OR1J2: variants seen among roughly 807,000 people sequenced by gnomAD.
OR1J2 encodes the protein olfactory receptor family 1 subfamily J member 2, also known as olfactory receptor 1J2.
For synonymous variants in OR1J2, 142 were observed against 99.7 expected, an observed-to-expected ratio of 1.42 and a Z score of -2.52; for missense variants, 304 against 246.1, an observed-to-expected ratio of 1.24 and a Z score of -1.57.
chr9:122,451,520 G>A, the OR1J2 span, among the ~76,000 whole-genome samples: 1 of 152,100 alleles, frequency 6.6e-6, no homozygotes, highest in Admixed American at 6.5e-5. Flanking sequence ...CAGAGGTGTT[G>A]AGCTGCATAT....
chr9:122,554,900 T>C, the OR1J2 span, among the ~76,000 whole-genome samples: 46,562 of 152,020 alleles, frequency 0.31, 8,008 homozygotes, highest in East Asian at 0.81. Flanking sequence ...TCTGAATTCT[T>C]TCATAAAATA....
At chr9:122,569,952 A>C in the OR1J2 span, among the ~76,000 whole-genome samples, 1 of 149,920 alleles carries the variant, frequency 6.7e-6, no homozygotes, top group African/African-American at 2.5e-5. Context: ...TTCTTGCGAT[A>C]GTTTACTGAG....
At position 122,510,977 on chromosome 9, in the gene OR1J2, T is replaced by C; in HGVS notation, c.176T>C (p.Met59Thr). The stretch of plus-strand genomic sequence containing the variant: ...CTGGACTCTCACCTTCACACCCCCA[T>C]GTACTTCTTCCTCAGCCACTTGGCT... Reference protein sequence around the residue: ...IQLDSHLHTPMYFFLSHLALT... With the variant: ...IQLDSHLHTPTYFFLSHLALT... Residue 59 changes from methionine (M) to threonine (T), a missense_variant, in exon 1 of 1, where the codon ATG (methionine) becomes ACG (threonine). Met to Thr is a moderately conservative substitution (Grantham distance 81). Coordinates refer to ENST00000335302, the MANE Select transcript of OR1J2 (RefSeq NM_054107.1). The C allele has an allele frequency of 2.5e-6, 4 of 1,611,934 alleles. No individual in the cohort carries two copies. Among genetic ancestry groups the C allele is most frequent in the Non-Finnish European group, 3.4e-6 (4 of 1,178,022 alleles).
the OR1J2 span, chr9:122,578,563 A>G: frequency 2.6e-5 from 4 of 152,122 alleles, no homozygotes; most frequent in East Asian, 3.8e-4. Flanking sequence ...GTGCCCCTCA[A>G]TCAGTGAGTG....
the OR1J2 span, among the ~76,000 whole-genome samples, chr9:122,534,227 A>C: frequency 3.9e-5 from 6 of 152,092 alleles, no homozygotes; most frequent in African/African-American, 1.4e-4. Context: ...TATACCTTGA[A>C]GGGGAGGTTA....
the OR1J2 span, among the ~76,000 whole-genome samples, chr9:122,556,611 C>A: frequency 2.0e-5 from 3 of 152,080 alleles, no homozygotes; most frequent in Non-Finnish European, 4.4e-5. Context: ...GTGCAGCAAA[C>A]CACCATGGCA....
the OR1J2 span, among the ~76,000 whole-genome samples, chr9:122,451,721 A>T: frequency 1.3e-5 from 2 of 152,232 alleles, no homozygotes; most frequent in Non-Finnish European, 2.9e-5. Flanking sequence ...AATGTTCAGG[A>T]CATTAATATA....
At chr9:122,508,819 G>T (rs1828577516), upstream of OR1J2, among the ~76,000 whole-genome samples, 1 of 152,196 alleles carries the variant, frequency 6.6e-6, no homozygotes, top group South Asian at 2.1e-4. Flanking sequence ...CCTCACAAAT[G>T]TTATTATATC....
At chr9:122,459,711 A>G in the OR1J2 span, among the ~76,000 whole-genome samples, 2 of 152,258 alleles carry the variant, frequency 1.3e-5, no homozygotes, top group African/African-American at 2.4e-5. Context: ...AAAAATTTCA[A>G]TAAGTTTTTG....
At chr9:122,483,525 A>G in the OR1J2 span, among the ~76,000 whole-genome samples, 29 of 152,342 alleles carry the variant, frequency 1.9e-4, no homozygotes, top group Non-Finnish European at 3.2e-4. Flanking sequence ...AAAACGTGGA[A>G]CAACACTATA....
chr9:122,489,445 C>T, the OR1J2 span, among the ~76,000 whole-genome samples: 6 of 152,182 alleles, frequency 3.9e-5, no homozygotes, highest in South Asian at 2.1e-4. Flanking sequence ...GCCACTTGTC[C>T]GTGCACAGAC....
chr9:122,529,517 C>G, the OR1J2 span, among the ~76,000 whole-genome samples: 5 of 152,186 alleles, frequency 3.3e-5, no homozygotes, highest in African/African-American at 1.2e-4. Context: ...CTCCCCAAAT[C>G]CTCAAAAAAG....
At chr9:122,548,523 G>A in the OR1J2 span, among the ~76,000 whole-genome samples, 1 of 152,104 alleles carries the variant, frequency 6.6e-6, no homozygotes, top group South Asian at 2.1e-4. Flanking sequence ...GACTCATTAG[G>A]AGATGGTTAT....
At chr9:122,546,047 T>A in the OR1J2 span, among the ~76,000 whole-genome samples, 2 of 152,106 alleles carry the variant, frequency 1.3e-5, no homozygotes, top group African/African-American at 4.8e-5. Context: ...GTGGATAAAC[T>A]TGTCGCTTAC....
the OR1J2 span, among the ~76,000 whole-genome samples, chr9:122,518,774 G>A: frequency 5.3e-5 from 8 of 152,266 alleles, no homozygotes; most frequent in East Asian, 9.7e-4. Flanking sequence ...AGTTCAATAT[G>A]TTACAACATG....
At chr9:122,516,082 C>T (rs1588192107), downstream of OR1J2, among the ~76,000 whole-genome samples, 2 of 152,024 alleles carry the variant, frequency 1.3e-5, no homozygotes, top group East Asian at 3.9e-4. Context: ...GTTCACAATT[C>T]TAGAGAGGAA....
At chr9:122,520,107 A>G in the OR1J2 span, 4 of 1,537,972 alleles carry the variant, frequency 2.6e-6, no homozygotes, top group Admixed American at 1.7e-5. Flanking sequence ...TATAACAGAC[A>G]TATGTACTGA....
At chr9:122,535,907 G>C in the OR1J2 span, among the ~76,000 whole-genome samples, 4 of 152,136 alleles carry the variant, frequency 2.6e-5, no homozygotes, top group African/African-American at 9.7e-5. Flanking sequence ...AAGGAAAAAG[G>C]GGTGTTGTTC....
At chr9:122,565,284 G>C in the OR1J2 span, among the ~76,000 whole-genome samples, 1 of 152,196 alleles carries the variant, frequency 6.6e-6, no homozygotes, top group Non-Finnish European at 1.5e-5. Flanking sequence ...AATGGGCAAA[G>C]ATATGAAGAT....
Sources: allele counts gnomAD v4.1 joint callset (sites outside exome capture counted in the v4.1 genomes callset), GRCh38; gene constraint gnomAD v4.1.1; transcripts MANE v1.5; gene names NCBI Gene and HGNC (gene_info 2026-07-23, HGNC 2026-07-21).